Variants in STRIP1 observed in about 807,000 individuals in gnomAD.
STRIP1 encodes the protein striatin-interacting protein 1.
In STRIP1, 63 loss-of-function variants were observed where a neutral mutation model predicts 106.2. The ratio of observed to expected loss-of-function variants is 0.59; its 90% CI spans 0.48 to 0.73. STRIP1 has a LOEUF of 0.73. Ranked by LOEUF, STRIP1 falls within the 30% of genes least tolerant of loss-of-function variation. STRIP1 has a pLI of 0.00. For synonymous variants in STRIP1, 390 were observed against 413.0 expected, an observed-to-expected ratio of 0.94 and a Z score of 0.67; for missense variants, 857 against 1,074.8, an observed-to-expected ratio of 0.80 and a Z score of 2.83.
At chr1:110,043,512 C>G (rs1483854496) in intron 9 of STRIP1, 127 bp from the exon 10 acceptor site, 5 of 932,066 alleles carry the variant, frequency 5.4e-6, no homozygotes, top group Non-Finnish European at 8.4e-6. Context: ...CGTCTTGACT[C>G]CCACTGTGGT....
rs772144355 is a variant in STRIP1 at position 110,043,279 on chromosome 1, G to A, written c.1068+9G>A. 8 of 1,608,272 alleles carry A rather than the reference G, an allele frequency of 5.0e-6. No individual in the cohort carries two copies. The highest frequency in any genetic ancestry group is 2.2e-5 in the South Asian group (2 of 91,068). ...GCCGCCGAGAGCACAAGGTGAGGACGACAGAGGTCCCTGTGACTCCTGAGG... is the reference window on the plus strand; with the variant it reads ...GCCGCCGAGAGCACAAGGTGAGGACAACAGAGGTCCCTGTGACTCCTGAGG... On this transcript the variant is annotated intron_variant, in intron 9 of 20. Transcript: ENST00000369795.
intron 15 of STRIP1, 42 bp from the exon 16 acceptor site, chr1:110,049,070 A>G: frequency 6.2e-7 from 1 of 1,613,204 alleles, no homozygotes; most frequent in Non-Finnish European, 8.5e-7. Context: ...GAAATGAGGT[A>G]CTGCGCATGC....
At chr1:110,041,999 A>C in intron 8 of STRIP1, 138 bp downstream of exon 8, 1 of 1,055,682 alleles carries the variant, frequency 9.5e-7, no homozygotes, top group Non-Finnish European at 1.4e-6. Flanking sequence ...AAAGCTGCTA[A>C]AAGGAGATGA....
chr1:110,051,088 T>C (rs1276469861), intron 19 of STRIP1, 28 bp downstream of exon 19: 2 of 1,445,190 alleles, frequency 1.4e-6, no homozygotes, highest in South Asian at 2.3e-5. Flanking sequence ...GTCAGCAGGC[T>C]TGGAACTTGG....
intron 8 of STRIP1, 89 bp downstream of exon 8, chr1:110,041,950 T>C (rs958772024): frequency 2.8e-6 from 4 of 1,405,696 alleles, no homozygotes; most frequent in Non-Finnish European, 3.9e-6. Context: ...TATTGAATTA[T>C]GTGACTGTAA....
At chr1:110,052,014 C>G (rs1653325215) in intron 20 of STRIP1, 127 bp downstream of exon 20, 1 of 973,900 alleles carries the variant, frequency 1.0e-6, no homozygotes, top group Non-Finnish European at 1.5e-6. Flanking sequence ...AGGAAGGAGC[C>G]CAGCTCCTGC....
In STRIP1 at chr1:110,039,459, C is replaced by T. The variant is rs1652651482; in HGVS notation, c.525C>T (p.Leu175=). The change falls in exon 5 of 21, where the codon CTC becomes CTT. Residue 175 remains leucine, a synonymous_variant. Coordinates refer to ENST00000369795, the MANE Select transcript of STRIP1 (RefSeq NM_033088.4). ...CCTGGATGCGCTACAACATCTTTCT[C>T]CTCCTGGAGGTGGGCACGTTCAATG... ...VQSWMRYNIF[L]LLEVGTFNAL... The T allele has an allele frequency of 6.2e-7, 1 of 1,613,048 alleles. No individual in the cohort carries two copies. Among genetic ancestry groups the T allele is most frequent in the Non-Finnish European group, 8.5e-7 (1 of 1,179,600 alleles).
At position 110,046,682 on chromosome 1, in the gene STRIP1, C is replaced by T; in HGVS notation, c.1419C>T (p.His473=). The T allele has an allele frequency of 1.2e-6, 2 of 1,613,446 alleles. No individual in the cohort carries two copies. Among genetic ancestry groups the T allele is most frequent in the Non-Finnish European group, 1.7e-6 (2 of 1,179,536 alleles). The change falls in exon 13 of 21, where the codon CAC becomes CAT. Residue 473 remains histidine, a splice_region_variant and synonymous_variant. Coordinates refer to ENST00000369795, the MANE Select transcript of STRIP1 (RefSeq NM_033088.4). ...IHESIKTLKQ[H]KYTSIAEVQA... is the part of the protein sequence containing the mutation. Reference sequence around the variant, plus strand: ...TCTTTTCCCATCTCTCCCACCAGCACAAGTACACGTCGATTGCAGAGGTCC... The same window carrying T: ...TCTTTTCCCATCTCTCCCACCAGCATAAGTACACGTCGATTGCAGAGGTCC...
Position 110,053,654 on chromosome 1 carries a change from C to T in STRIP1, c.2267-11C>T. The stretch of plus-strand genomic sequence containing the variant: ...TGGCTCCTAACGGTGTTTCTTCCTG[C>T]TTTGTCTCAGATCTTGATGCCCGGC... On this transcript the variant is annotated splice_polypyrimidine_tract_variant and intron_variant, in intron 20 of 20. Transcript: ENST00000369795. The T allele has an allele frequency of 6.2e-7, 1 of 1,613,538 alleles. No homozygotes were observed. Among genetic ancestry groups the T allele is most frequent in the East Asian group, 2.2e-5 (1 of 44,854 alleles).
intron 10 of STRIP1, 124 bp from the exon 11 acceptor site, chr1:110,044,712 AAAAC>A (rs1652932891): frequency 1.1e-6 from 1 of 869,770 alleles, no homozygotes; most frequent in African/African-American, 1.7e-5. Flanking sequence ...TTCAAAGAGA[AAAAC>A]AATTATAGGA....
At chr1:110,051,920 G>C in intron 20 of STRIP1, 33 bp downstream of exon 20, 2 of 1,606,206 alleles carry the variant, frequency 1.2e-6, no homozygotes, top group Non-Finnish European at 1.7e-6. Flanking sequence ...ATTTGGGTGG[G>C]AGTGTGTCGG....
intron 10 of STRIP1, among the ~76,000 whole-genome samples, 183 bp from the exon 11 acceptor site, chr1:110,044,657 T>G (rs1453874788): frequency 6.6e-6 from 1 of 152,236 alleles, no homozygotes; most frequent in Non-Finnish European, 1.5e-5. Flanking sequence ...AGCAAAATTA[T>G]AAGAAACATT....
intron 20 of STRIP1, among the ~76,000 whole-genome samples, chr1:110,052,256 C>T (rs971173641): frequency 2.0e-5 from 3 of 152,126 alleles, no homozygotes; most frequent in Admixed American, 2.0e-4. Flanking sequence ...TCAGATTTCC[C>T]TAGTGATCCT....
chr1:110,040,819 G>A (rs1652725364), intron 6 of STRIP1, 116 bp downstream of exon 6: 1 of 812,444 alleles, frequency 1.2e-6, no homozygotes, highest in Non-Finnish European at 1.9e-6. Flanking sequence ...CACATCATCT[G>A]CATGTGTGAT....
chr1:110,038,771 C>T lies in STRIP1; in HGVS notation c.325+14C>T, dbSNP rs764325895. On this transcript the variant is annotated intron_variant, in intron 3 of 20. Transcript: ENST00000369795. ...TCCGGATCCATGGTGAGATGATTTC[C>T]CACACTTCTTGCTTCCTTTGCCCTG... 3 of 1,611,834 alleles carry T rather than the reference C, an allele frequency of 1.9e-6. No homozygotes were observed. The South Asian group carries it at 3.3e-5, about 18-fold the overall frequency.
intron 12 of STRIP1, 63 bp from the exon 13 acceptor site, chr1:110,046,617 A>G: frequency 1.4e-6 from 2 of 1,433,600 alleles, no homozygotes; most frequent in Non-Finnish European, 2.0e-6. Context: ...ATTTTGCTAG[A>G]GTGCAGGGAG....
At chr1:110,051,996 C>G (rs937197668) in intron 20 of STRIP1, 109 bp downstream of exon 20, 1 of 1,203,720 alleles carries the variant, frequency 8.3e-7, no homozygotes, top group Non-Finnish European at 1.2e-6. Context: ...AGCTTCCCCC[C>G]AAGGAACAGG....
At chr1:110,051,622 C>T in intron 19 of STRIP1, 61 bp from the exon 20 acceptor site, 10 of 1,489,576 alleles carry the variant, frequency 6.7e-6, no homozygotes, top group South Asian at 3.6e-5. Flanking sequence ...GCAGTGTGAC[C>T]TGGGATGTAT....
At position 110,034,643 on chromosome 1, in the gene STRIP1, G is replaced by T. The variant is rs1426965813; in HGVS notation, c.6G>T (p.Glu2Asp). Residue 2 changes from glutamate to aspartate, a missense_variant, in exon 1 of 21, where the codon GAG becomes GAT. This residue lies in a region of STRIP1 where 107 missense variants were observed against 85.1 expected (regional missense o/e 1.26). Transcript: ENST00000369795. ...GGGGGTGTGGAGCAGCCAAGATGGA[G>T]CCGGCAGTCGGCGGTCCGGGCCCAC... Reference protein sequence around the residue: MEPAVGGPGPLI... With the variant: MDPAVGGPGPLI... 3.3e-6 allele frequency: 5 copies of T among 1,521,266 alleles called. No individual in the cohort carries two copies. The highest frequency in any genetic ancestry group is 2.4e-5 in the South Asian group (2 of 82,012). The allele number at this position is 1,521,266 out of a possible 1,614,324, so 94.2% of individuals were successfully genotyped here.
Sources: allele counts gnomAD v4.1 joint callset (sites outside exome capture counted in the v4.1 genomes callset), GRCh38; gene constraint gnomAD v4.1.1; regional missense constraint gnomAD v4.1.1; transcripts MANE v1.5; gene names NCBI Gene and HGNC (gene_info 2026-07-23, HGNC 2026-07-21).